The following ZFAND3 variants were observed in gnomAD, a reference collection of about 807,000 sequenced individuals.
ZFAND3 encodes zinc finger AN1-type containing 3.
A neutral mutation model predicts 29.6 loss-of-function variants in ZFAND3; 10 were observed. That is an observed-to-expected ratio of 0.34 (90% confidence interval 0.21 to 0.57). ZFAND3 has a LOEUF of 0.57. Among genes scored for constraint, ZFAND3 ranks in the 20% least tolerant of loss-of-function variants. The pLI is 0.86. For missense variants in ZFAND3, 230 were observed against 304.5 expected, an observed-to-expected ratio of 0.76 and a Z score of 1.82; for synonymous variants, 128 against 112.6, an observed-to-expected ratio of 1.14 and a Z score of -0.87.
intron 5 of ZFAND3, among the ~76,000 whole-genome samples, chr6:38,120,780 A>T (rs934757115): frequency 2.0e-4 from 31 of 152,204 alleles, no homozygotes; most frequent in African/African-American, 7.2e-4. Flanking sequence ...TAGTGCTTTT[A>T]TTAACCTCCT....
At chr6:37,852,532 T>C (rs560602923) in intron 1 of ZFAND3, among the ~76,000 whole-genome samples, 1 of 152,300 alleles carries the variant, frequency 6.6e-6, no homozygotes, top group African/African-American at 2.4e-5. Context: ...CTCATGCACA[T>C]ATCTTGCCGT....
At chr6:38,088,852 A>G (rs1764807977) in intron 4 of ZFAND3, among the ~76,000 whole-genome samples, 1 of 152,204 alleles carries the variant, frequency 6.6e-6, no homozygotes, top group South Asian at 2.1e-4. Context: ...GAGCTGTAGA[A>G]GTGTCTGAGA....
At chr6:37,930,045 C>CTTTTTTTTTTTT in intron 2 of ZFAND3, 46 bp downstream of exon 2, 6 of 1,163,304 alleles carry the variant, frequency 5.2e-6, no homozygotes, top group East Asian at 2.9e-5. Context: ...ATTTTTCTTT[C>CTTTTTTTTTTTT]TTTTTTTTTT....
chr6:38,039,032 T>G (rs1315218593), intron 2 of ZFAND3, among the ~76,000 whole-genome samples: 1 of 152,234 alleles, frequency 6.6e-6, no homozygotes, highest in Non-Finnish European at 1.5e-5. Context: ...ATCACATTTC[T>G]CAATCTGGAA....
chr6:38,085,522 C>T (rs1056354661), intron 4 of ZFAND3, among the ~76,000 whole-genome samples: 1 of 152,158 alleles, frequency 6.6e-6, no homozygotes, highest in African/African-American at 2.4e-5. Context: ...AGCAAAAGCT[C>T]TTTATCTCAG....
At position 37,932,396 on chromosome 6, in the gene ZFAND3, C is replaced by G. The variant is rs1299068352; in HGVS notation, c.112+2397C>G. On this transcript the variant is annotated intron_variant, in intron 2 of 5. Coordinates refer to ENST00000287218, the MANE Select transcript of ZFAND3 (RefSeq NM_021943.3). Reference sequence around the variant, plus strand: ...AGTGAAGACGAAAGTAGCAGTGAGACAAAATGTATACAGGTTGAGAACCCC... The same window carrying G: ...AGTGAAGACGAAAGTAGCAGTGAGAGAAAATGTATACAGGTTGAGAACCCC... Among the ~76,000 whole-genome samples, 4 of 152,194 alleles carry G rather than the reference C, an allele frequency of 2.6e-5. No individual in the cohort carries two copies. In the East Asian group the frequency reaches 5.8e-4, roughly 22 times the overall value.
At chr6:38,079,953 G>A (rs1764628308) in intron 3 of ZFAND3, among the ~76,000 whole-genome samples, 1 of 151,748 alleles carries the variant, frequency 6.6e-6, no homozygotes, top group South Asian at 2.1e-4. Context: ...GTTACATAGT[G>A]TGTATGTGTT....
chr6:37,842,972 A>C (rs1259490401), intron 1 of ZFAND3, among the ~76,000 whole-genome samples: 1 of 152,016 alleles, frequency 6.6e-6, no homozygotes, highest in Non-Finnish European at 1.5e-5. Context: ...AAATACAAAA[A>C]TTAGCCAGGC....
At chr6:38,066,969 G>A (rs577599979) in intron 3 of ZFAND3, among the ~76,000 whole-genome samples, 3 of 152,172 alleles carry the variant, frequency 2.0e-5, no homozygotes, top group Admixed American at 1.3e-4. Context: ...GAGCTTAGCC[G>A]TTGGAAGCCT....
At chr6:38,094,093 A>G (rs1764925157) in intron 4 of ZFAND3, among the ~76,000 whole-genome samples, 1 of 152,184 alleles carries the variant, frequency 6.6e-6, no homozygotes, top group Non-Finnish European at 1.5e-5. Context: ...CTGAGACAAG[A>G]TGAACTAGGG....
intron 4 of ZFAND3, among the ~76,000 whole-genome samples, chr6:38,105,313 G>A (rs1562001195): frequency 6.6e-6 from 1 of 152,142 alleles, no homozygotes; most frequent in Non-Finnish European, 1.5e-5. Flanking sequence ...AAGCTGAGGG[G>A]AGGATCGCTT....
intron 4 of ZFAND3, among the ~76,000 whole-genome samples, chr6:38,115,795 G>C (rs985901644): frequency 1.5e-4 from 22 of 150,960 alleles, no homozygotes; most frequent in Non-Finnish European, 2.2e-4. Context: ...TAAGAGCTTT[G>C]TTGCGTCTTA....
chr6:38,110,251 G>T (rs1765288372), intron 4 of ZFAND3, among the ~76,000 whole-genome samples: 1 of 152,054 alleles, frequency 6.6e-6, no homozygotes, highest in African/African-American at 2.4e-5. Context: ...TTATTTTAGG[G>T]TCATTGGGAA....
chr6:37,895,459 C>CTTTTTTTTT (rs11331881), intron 1 of ZFAND3, among the ~76,000 whole-genome samples: 9 of 76,760 alleles, frequency 1.2e-4, no homozygotes, highest in South Asian at 5.8e-4. Flanking sequence ...CTCAGAGGTT[C>CTTTTTTTTT]TTTTTTTTTT....
chr6:38,046,046 A>G lies in ZFAND3; in HGVS notation c.113-15547A>G, dbSNP rs930826068. ...ACACCATCCCTCATTATAGAAGCCAAGGGCGTTATATTTGAAAAATAAGTA... is the reference window on the plus strand; with the variant it reads ...ACACCATCCCTCATTATAGAAGCCAGGGGCGTTATATTTGAAAAATAAGTA... On this transcript the variant is annotated intron_variant, in intron 2 of 5. Coordinates refer to ENST00000287218, the MANE Select transcript of ZFAND3 (RefSeq NM_021943.3). Among the ~76,000 whole-genome samples, 11 of 152,338 alleles carry G rather than the reference A, an allele frequency of 7.2e-5. 1 individual carries two copies. The highest frequency in any genetic ancestry group is 3.3e-4 in the Admixed American group (5 of 15,310).
At chr6:38,071,659 T>A (rs1281085312) in intron 3 of ZFAND3, among the ~76,000 whole-genome samples, 1 of 152,170 alleles carries the variant, frequency 6.6e-6, no homozygotes, top group Non-Finnish European at 1.5e-5. Context: ...TTTAATAAAC[T>A]TTTGGGTCTT....
rs192733764 is a variant in ZFAND3 at position 37,902,054 on chromosome 6, G to A, written c.72-27905G>A. Among the ~76,000 whole-genome samples the A allele has an allele frequency of 2.4e-3, 359 of 152,222 alleles. 1 individual carries two copies. The highest frequency in any genetic ancestry group is 0.01 in the Middle Eastern group (3 of 294). On this transcript the variant is annotated intron_variant, in intron 1 of 5. Transcript: ENST00000287218. ...TGGTAATTCTGTTTTTAAATTCAGC[G>A]TTTGTATTTGTATATTTGGAAAGTA... is the stretch of plus-strand genomic sequence containing the variant.
intron 1 of ZFAND3, among the ~76,000 whole-genome samples, chr6:37,845,310 C>T (rs1764158354): frequency 1.3e-5 from 2 of 152,194 alleles, no homozygotes; most frequent in South Asian, 2.1e-4. Context: ...GTGTTATATA[C>T]ACCCTCCTTA....
intron 1 of ZFAND3, among the ~76,000 whole-genome samples, chr6:37,879,463 A>T (rs528041691): frequency 9.9e-5 from 15 of 152,192 alleles, no homozygotes; most frequent in Non-Finnish European, 1.5e-4. Flanking sequence ...ATGGACTTGC[A>T]TACTTGGGTT....
Sources: allele counts gnomAD v4.1 joint callset (sites outside exome capture counted in the v4.1 genomes callset), GRCh38; gene constraint gnomAD v4.1.1; transcripts MANE v1.5; gene names NCBI Gene and HGNC (gene_info 2026-07-23, HGNC 2026-07-21).